Variants in CNBD1 observed in about 807,000 individuals in gnomAD.
The protein encoded by CNBD1 is cyclic nucleotide binding domain containing 1, also known as cyclic nucleotide-binding domain-containing protein 1.
A neutral mutation model predicts 54.4 loss-of-function variants in CNBD1; 71 were observed. The ratio of observed to expected loss-of-function variants is 1.30; its 90% CI spans 1.08 to 1.59. The LOEUF (loss-of-function observed/expected upper bound fraction) is 1.59. Among genes scored for constraint, CNBD1 ranks in the 40% most tolerant of loss-of-function variants. The pLI, the probability that CNBD1 is intolerant of heterozygous loss-of-function variation, is 0.00. For missense variants in CNBD1, 659 were observed against 518.0 expected, an observed-to-expected ratio of 1.27 and a Z score of -2.64; for synonymous variants, 182 against 170.7, an observed-to-expected ratio of 1.07 and a Z score of -0.51.
In CNBD1 at chr8:87,349,047, C is replaced by G. The variant is rs1224986362; in HGVS notation, c.1043-2638C>G. 3.3e-5 allele frequency among the ~76,000 whole-genome samples: 5 copies of G among 152,090 alleles called. No individual in the cohort carries two copies. The South Asian group carries it at 6.2e-4, about 19-fold the overall frequency. On this transcript the variant is annotated intron_variant, in intron 8 of 10. Transcript: ENST00000518476. ...ATATTACTTTTAACTACAAGTTCCA[C>G]TACATTTTGTAAACATAAATGAATA...
At chr8:87,392,422 G>A (rs76378941) in intron 2 of CNBD1, among the ~76,000 whole-genome samples, 11,728 of 152,020 alleles carry the variant, frequency 0.077, 651 homozygotes, top group Non-Finnish European at 0.12. Flanking sequence ...TTCATTAACC[G>A]ATGAAGGGAT....
chr8:87,251,576 G>A (rs1045936980), intron 6 of CNBD1, among the ~76,000 whole-genome samples: 4 of 132,194 alleles, frequency 3.0e-5, no homozygotes, highest in African/African-American at 5.9e-5. Flanking sequence ...CAACAAGAGC[G>A]AAACTCTGTC....
chr8:87,296,190 T>A (rs1808872796), intron 8 of CNBD1, among the ~76,000 whole-genome samples: 1 of 152,236 alleles, frequency 6.6e-6, no homozygotes, highest in Admixed American at 6.5e-5. Context: ...TATTGGATGT[T>A]GTGATCCACC....
At chr8:86,981,525 A>G (rs1040344644) in intron 4 of CNBD1, among the ~76,000 whole-genome samples, 4 of 152,156 alleles carry the variant, frequency 2.6e-5, no homozygotes, top group South Asian at 4.1e-4. Flanking sequence ...GGCAATGTGT[A>G]CAATTATATA....
At chr8:87,102,913 C>T (rs922079470) in intron 4 of CNBD1, among the ~76,000 whole-genome samples, 2 of 152,128 alleles carry the variant, frequency 1.3e-5, no homozygotes, top group African/African-American at 4.8e-5. Context: ...AGCGCTCGGC[C>T]ACAGGACTTG....
chr8:86,874,546 T>C (rs779710847), intron 1 of CNBD1, among the ~76,000 whole-genome samples: 122 of 152,176 alleles, frequency 8.0e-4, no homozygotes, highest in Non-Finnish European at 1.1e-3. Context: ...TTTGTGAAGA[T>C]GTATTTTAAG....
chr8:87,225,259 G>T (rs1361171633), intron 5 of CNBD1, among the ~76,000 whole-genome samples: 2 of 146,130 alleles, frequency 1.4e-5, no homozygotes, highest in African/African-American at 5.1e-5. Flanking sequence ...TAATTGCCCT[G>T]GCCAGAACTT....
intron 4 of CNBD1, among the ~76,000 whole-genome samples, chr8:87,055,589 G>A (rs1182031337): frequency 6.6e-6 from 1 of 152,176 alleles, no homozygotes; most frequent in Non-Finnish European, 1.5e-5. Context: ...CTGTACATCT[G>A]CAGTCTGAGT....
At chr8:87,253,073 A>C (rs888694462) in intron 6 of CNBD1, among the ~76,000 whole-genome samples, 2 of 152,198 alleles carry the variant, frequency 1.3e-5, no homozygotes, top group African/African-American at 4.8e-5. Flanking sequence ...AGAGAAAGAA[A>C]GCAGAGGTCA....
rs565267470 is a variant in CNBD1, at chr8:87,162,270, A to G, written c.432-43723A>G. Among the ~76,000 whole-genome samples the G allele has an allele frequency of 5.3e-5, 8 of 152,252 alleles. No individual in the cohort carries two copies. The South Asian group carries it at 1.4e-3, about 28-fold the overall frequency. ...TCAGAATATGTTGAAACAGAAAATGATAAATGATTGTACATTGCAGCTAAT... is the reference window on the plus strand; with the variant it reads ...TCAGAATATGTTGAAACAGAAAATGGTAAATGATTGTACATTGCAGCTAAT... On this transcript the variant is annotated intron_variant, in intron 4 of 10. Transcript: ENST00000518476.
intron 4 of CNBD1, among the ~76,000 whole-genome samples, chr8:87,114,127 ACTC>A (rs2130707544): frequency 6.6e-6 from 1 of 152,262 alleles, no homozygotes; most frequent in Admixed American, 6.5e-5. Flanking sequence ...TCAACATACT[ACTC>A]AGTAATTTTT....
chr8:86,915,910 T>C (rs983281814), intron 3 of CNBD1, among the ~76,000 whole-genome samples: 7 of 152,188 alleles, frequency 4.6e-5, no homozygotes, highest in African/African-American at 1.7e-4. Flanking sequence ...GCTCTATTAA[T>C]CTAAGGTTCC....
chr8:86,878,471 G>A (rs898541582), intron 1 of CNBD1, among the ~76,000 whole-genome samples: 1 of 151,746 alleles, frequency 6.6e-6, no homozygotes, highest in African/African-American at 2.4e-5. Flanking sequence ...CAAAGGTTCT[G>A]TGTAGTTATT....
chr8:86,884,832 C>T (rs1431503431), intron 1 of CNBD1, among the ~76,000 whole-genome samples: 4 of 152,166 alleles, frequency 2.6e-5, no homozygotes, highest in Admixed American at 2.6e-4. Flanking sequence ...AGCAAGGTTC[C>T]ATTTATCATT....
intron 10 of CNBD1, among the ~76,000 whole-genome samples, chr8:87,356,641 A>T (rs570920192): frequency 6.6e-6 from 1 of 152,200 alleles, no homozygotes. Flanking sequence ...GTTGGAAATT[A>T]TAATTAAAAA....
intron 4 of CNBD1, among the ~76,000 whole-genome samples, chr8:87,104,363 A>G (rs1330600722): frequency 2.0e-5 from 3 of 152,244 alleles, no homozygotes; most frequent in Admixed American, 2.0e-4. Flanking sequence ...GGCTGTGAGA[A>G]TAAATAGAAG....
intron 4 of CNBD1, among the ~76,000 whole-genome samples, chr8:87,107,012 T>A (rs1456362973): frequency 6.6e-6 from 1 of 151,988 alleles, no homozygotes; most frequent in Non-Finnish European, 1.5e-5. Context: ...GTATTTTTAG[T>A]AGAGATGGGG....
At chr8:87,301,992 A>G (rs1809007649) in intron 8 of CNBD1, among the ~76,000 whole-genome samples, 1 of 152,202 alleles carries the variant, frequency 6.6e-6, no homozygotes, top group African/African-American at 2.4e-5. Flanking sequence ...TGAGGCAGTA[A>G]TTAATAGCTT....
At chr8:86,876,456 C>A (rs948173503) in intron 1 of CNBD1, among the ~76,000 whole-genome samples, 1 of 151,642 alleles carries the variant, frequency 6.6e-6, no homozygotes, top group African/African-American at 2.4e-5. Context: ...AGTACTTAAG[C>A]TATTCTTTTT....
Sources: gnomAD v4.1 joint callset for allele counts (sites outside exome capture counted in the v4.1 genomes callset) on GRCh38, gnomAD v4.1.1 for gene constraint, MANE v1.5 for transcripts, NCBI Gene and HGNC (gene_info 2026-07-23, HGNC 2026-07-21) for gene names.